Variants in SCYL2 observed in about 807,000 individuals in gnomAD.
SCYL2 encodes the protein SCY1 like pseudokinase 2.
SCYL2 carries 36 observed loss-of-function variants against 100.4 expected under a neutral mutation model. The ratio of observed to expected loss-of-function variants is 0.36; its 90% CI spans 0.27 to 0.47. The LOEUF (loss-of-function observed/expected upper bound fraction) is 0.47. Ranked by LOEUF, SCYL2 falls within the 20% of genes least tolerant of loss-of-function variation. The pLI, the probability that SCYL2 is intolerant of heterozygous loss-of-function variation, is 1.00. For missense variants in SCYL2, 902 were observed against 1,083.9 expected (o/e 0.83, Z 2.36); for synonymous variants, 330 against 359.2 (o/e 0.92, Z 0.92).
chr12:100,293,386 T>C (rs892470727), intron 3 of SCYL2, among the ~76,000 whole-genome samples: 2 of 152,222 alleles, frequency 1.3e-5, no homozygotes, highest in African/African-American at 4.8e-5. Context: ...AGACTGGTTT[T>C]CCCACACTTA....
intron 4 of SCYL2, among the ~76,000 whole-genome samples, chr12:100,298,984 C>T (rs1302583080): frequency 2.6e-5 from 4 of 152,156 alleles, no homozygotes; most frequent in Admixed American, 6.5e-5. Context: ...AATCCCAGCA[C>T]TTTGGGAAGC....
intron 4 of SCYL2, among the ~76,000 whole-genome samples, chr12:100,308,092 G>A (rs2096336899): frequency 6.6e-6 from 1 of 152,096 alleles, no homozygotes; most frequent in African/African-American, 2.4e-5. Flanking sequence ...ATTCCTCAAG[G>A]ATCTAGAACC....
At position 100,315,649 on chromosome 12, in the gene SCYL2, T is replaced by C. The variant is rs772767622; in HGVS notation, c.1187T>C (p.Ile396Thr). The C allele has an allele frequency of 1.6e-5, 25 of 1,612,540 alleles. No individual in the cohort carries two copies. The highest frequency in any genetic ancestry group is 2.0e-5 in the Non-Finnish European group (23 of 1,179,132). Reference sequence around the variant, plus strand: ...TTTGTTTTGCCCAATGTTCTACTTATTGCTGAGGAATGCACCAAAGAAGAA... The same window carrying C: ...TTTGTTTTGCCCAATGTTCTACTTACTGCTGAGGAATGCACCAAAGAAGAA... ...VPFVLPNVLLIAEECTKEEYV... is the reference protein window; with the variant it reads ...VPFVLPNVLLTAEECTKEEYV... Residue 396 changes from isoleucine to threonine, a missense_variant, in exon 9 of 18, where the codon ATT becomes ACT. Transcript: ENST00000360820.
At chr12:100,275,348 T>A (rs951940772) in intron 1 of SCYL2, among the ~76,000 whole-genome samples, 2 of 152,036 alleles carry the variant, frequency 1.3e-5, no homozygotes, top group Non-Finnish European at 2.9e-5. Flanking sequence ...ACTGCAGACA[T>A]GTGCTACTGC....
intron 10 of SCYL2, among the ~76,000 whole-genome samples, chr12:100,321,868 C>A (rs1427904974): frequency 2.0e-5 from 3 of 151,734 alleles, no homozygotes; most frequent in African/African-American, 7.3e-5. Flanking sequence ...CATAGTAAGA[C>A]CCTGTCTGTA....
At chr12:100,314,398 G>A (rs2096345972) in intron 7 of SCYL2, 91 bp from the exon 8 acceptor site, 1 of 899,146 alleles carries the variant, frequency 1.1e-6, no homozygotes, top group Non-Finnish European at 1.7e-6. Flanking sequence ...ATGTTTCTGA[G>A]TATTTTTTTT....
chr12:100,290,226 G>T (rs557368931), intron 2 of SCYL2, among the ~76,000 whole-genome samples: 32 of 152,186 alleles, frequency 2.1e-4, no homozygotes, highest in Admixed American at 1.8e-3. Context: ...TGACTCAAAG[G>T]CTCCTCTGAT....
chr12:100,284,490 T>C (rs1285647532), intron 2 of SCYL2, among the ~76,000 whole-genome samples: 1 of 152,220 alleles, frequency 6.6e-6, no homozygotes, highest in Non-Finnish European at 1.5e-5. Context: ...CTGTCTTTAC[T>C]ACTGGTTAAT....
At chr12:100,329,493 G>T (rs1274808749) in intron 13 of SCYL2, among the ~76,000 whole-genome samples, 174 bp downstream of exon 13, 1 of 152,112 alleles carries the variant, frequency 6.6e-6, no homozygotes, top group Non-Finnish European at 1.5e-5. Flanking sequence ...AGACGTCATT[G>T]GTAAATAGTA....
At chr12:100,292,727 G>A (rs1343549393) in intron 3 of SCYL2, among the ~76,000 whole-genome samples, 1 of 152,108 alleles carries the variant, frequency 6.6e-6, no homozygotes, top group African/African-American at 2.4e-5. Flanking sequence ...TTTAAGTGCT[G>A]GAGCTAGGAT....
rs777390005 is a variant in SCYL2, at chr12:100,339,158, G to C, written c.2776G>C (p.Asp926His). 1 of 1,612,150 alleles carries C rather than the reference G, an allele frequency of 6.2e-7. No homozygotes were observed. Among genetic ancestry groups the C allele is most frequent in the Admixed American group, 1.7e-5 (1 of 59,820 alleles). ...NSSSASNDLKDLFG is the reference protein window; with the variant it reads ...NSSSASNDLKHLFG ...CAGTTCAGCTAGCAATGATTTAAAA[G>C]ATCTTTTTGGGTGAGGTGTCTTACT... Residue 926 changes from aspartate (D) to histidine (H), a missense_variant, in exon 18 of 18, where the codon GAT (aspartate) becomes CAT (histidine). Asp to His is a moderately conservative substitution (Grantham distance 81). Coordinates refer to ENST00000360820, the MANE Select transcript of SCYL2 (RefSeq NM_017988.6).
At chr12:100,300,598 C>G (rs2096326421) in intron 4 of SCYL2, among the ~76,000 whole-genome samples, 1 of 152,056 alleles carries the variant, frequency 6.6e-6, no homozygotes, top group Admixed American at 6.6e-5. Context: ...TTTTTTCTAA[C>G]TATTGTTTTT....
chr12:100,275,553 A>C (rs2135801820), intron 1 of SCYL2, among the ~76,000 whole-genome samples: 1 of 152,316 alleles, frequency 6.6e-6, no homozygotes, highest in Non-Finnish European at 1.5e-5. Context: ...TGCCAAACTC[A>C]TGTATTCATT....
chr12:100,317,692 G>T, intron 9 of SCYL2, 111 bp from the exon 10 acceptor site: 1 of 1,430,526 alleles, frequency 7.0e-7, no homozygotes. Context: ...CTAGCAACAT[G>T]GTGAGTGTCA....
intron 7 of SCYL2, 95 bp downstream of exon 7, chr12:100,313,633 G>A (rs2096344942): frequency 1.5e-6 from 1 of 658,944 alleles, no homozygotes; most frequent in Non-Finnish European, 2.7e-6. Flanking sequence ...TTTTCCCCAG[G>A]GATCCCTGTT....
chr12:100,335,819 C>T lies in SCYL2; in HGVS notation c.1938C>T (p.Asp646=). Residue 646 remains aspartate (D), a synonymous_variant, in exon 16 of 18, where the codon GAC becomes GAT. Coordinates refer to ENST00000360820, the MANE Select transcript of SCYL2 (RefSeq NM_017988.6). ...ACATTTTTCTATTTCAGCAAATTGA[C>T]AAAGTTTTTAACAACATTGGAGCAG... The part of the protein sequence containing the change: ...KVTNIGNQQI[D]KVFNNIGADL... 1 of 1,612,460 alleles carries T rather than the reference C, an allele frequency of 6.2e-7. No individual in the cohort carries two copies. The highest frequency in any genetic ancestry group is 8.5e-7 in the Non-Finnish European group (1 of 1,178,964).
In SCYL2 at chr12:100,298,192, A is replaced by G. The variant is rs1351363817; in HGVS notation, c.480+17A>G. 6.7e-7 allele frequency: 1 copy of G among 1,488,620 alleles called. No homozygotes were observed. Among genetic ancestry groups the G allele is most frequent in the Non-Finnish European group, 9.0e-7 (1 of 1,109,828 alleles). 92.2% of individuals were successfully genotyped at this position (1,488,620 alleles called of 1,614,324 possible). On this transcript the variant is annotated intron_variant, in intron 4 of 17. Coordinates refer to ENST00000360820, the MANE Select transcript of SCYL2 (RefSeq NM_017988.6). The stretch of plus-strand genomic sequence containing the variant: ...TTGCTTCAGGTATGTATTTTTATTC[A>G]TCATGTAAAAAAGAGTTGTTTCCTT...
rs1952330686 is a variant in SCYL2 at position 100,339,841 on chromosome 12, T to G, written c.*669T>G. ...TTGTAAATTATATTTTAGCATGGTC[T>G]GCCTCAAATAGTAATGTATTTTTCT... On this transcript the variant is annotated 3_prime_UTR_variant, in exon 18 of 18. Transcript: ENST00000360820. 1.3e-5 allele frequency: 2 copies of G among 152,582 alleles called. No homozygotes were observed. The highest frequency in any genetic ancestry group is 2.9e-5 in the Non-Finnish European group (2 of 68,010). 9.5% of individuals were successfully genotyped at this position (152,582 alleles called of 1,614,324 possible). A position where few individuals can be genotyped will look rare whatever the true frequency, so the allele number is the denominator to read the frequency against.
chr12:100,283,234 C>A (rs2096300821), intron 2 of SCYL2, 87 bp downstream of exon 2: 25 of 1,173,604 alleles, frequency 2.1e-5, no homozygotes, highest in Non-Finnish European at 2.9e-5. Context: ...TTAAGAAATG[C>A]CAAAAGTTCT....
Sources: gnomAD v4.1 joint callset for allele counts (sites outside exome capture counted in the v4.1 genomes callset) on GRCh38, gnomAD v4.1.1 for gene constraint, MANE v1.5 for transcripts, NCBI Gene and HGNC (gene_info 2026-07-23, HGNC 2026-07-21) for gene names.